The following APPBP2 variants were observed in gnomAD, a reference collection of about 807,000 sequenced individuals.
APPBP2 encodes amyloid protein-binding protein 2.
Under a neutral mutation model 76.0 loss-of-function variants are expected in APPBP2, and 15 were observed. That is an observed-to-expected ratio of 0.20 (90% CI 0.13 to 0.30). APPBP2 has a LOEUF of 0.30. APPBP2 is among the 10% of genes least tolerant of loss of function. The probability of loss-of-function intolerance (pLI) is 1.00; values close to 1 mark genes in which losing one functional copy is unlikely to be tolerated. For synonymous variants in APPBP2, 222 were observed against 242.2 expected, an observed-to-expected ratio of 0.92 and a Z score of 0.77; for missense variants, 401 against 687.2, an observed-to-expected ratio of 0.58 and a Z score of 4.66.
intron 1 of APPBP2, among the ~76,000 whole-genome samples, chr17:60,524,529 G>T (rs1339148472): frequency 6.8e-6 from 1 of 146,668 alleles, no homozygotes; most frequent in Non-Finnish European, 1.5e-5. Flanking sequence ...AAATATTTAG[G>T]GGGGAAACCC....
chr17:60,481,525 G>A (rs2090628665), intron 3 of APPBP2, among the ~76,000 whole-genome samples: 2 of 152,148 alleles, frequency 1.3e-5, no homozygotes, highest in South Asian at 2.1e-4. Context: ...TTGTTGAGAA[G>A]GAGAAAATTT....
chr17:60,489,428 T>C (rs1432960637), intron 3 of APPBP2, among the ~76,000 whole-genome samples: 1 of 151,630 alleles, frequency 6.6e-6, no homozygotes, highest in African/African-American at 2.4e-5. Flanking sequence ...CTGGCCAACA[T>C]GATAAAACAC....
intron 3 of APPBP2, among the ~76,000 whole-genome samples, chr17:60,480,236 G>A (rs1387540570): frequency 6.6e-6 from 1 of 152,144 alleles, no homozygotes; most frequent in African/African-American, 2.4e-5. Context: ...AGCCGGATGT[G>A]GTGGCGAGTG....
intron 3 of APPBP2, among the ~76,000 whole-genome samples, chr17:60,491,871 G>A (rs895003110): frequency 6.6e-6 from 1 of 152,200 alleles, no homozygotes. Flanking sequence ...ATTTGCATGA[G>A]TAACGAGCAG....
intron 1 of APPBP2, among the ~76,000 whole-genome samples, chr17:60,516,515 T>C (rs1598376773): frequency 6.6e-6 from 1 of 152,228 alleles, no homozygotes; most frequent in Admixed American, 6.5e-5. Flanking sequence ...TCACTCATTA[T>C]CATTTGCAAG....
At chr17:60,490,409 G>A (rs371452134) in intron 3 of APPBP2, among the ~76,000 whole-genome samples, 2 of 152,216 alleles carry the variant, frequency 1.3e-5, no homozygotes, top group East Asian at 3.8e-4. Flanking sequence ...AAAGAGCCAA[G>A]TGCAGTGGCT....
intron 1 of APPBP2, among the ~76,000 whole-genome samples, chr17:60,506,972 G>A (rs1356663264): frequency 6.6e-6 from 1 of 152,120 alleles, no homozygotes; most frequent in Non-Finnish European, 1.5e-5. Context: ...GGAGGCAGAG[G>A]TTGCAGTGAG....
chr17:60,502,892 C>A (rs549662542), intron 1 of APPBP2, among the ~76,000 whole-genome samples: 1 of 146,578 alleles, frequency 6.8e-6, no homozygotes, highest in South Asian at 2.1e-4. Context: ...AGTTATACAA[C>A]TACTTTGCCT....
chr17:60,465,881 G>A (rs553532363), intron 5 of APPBP2, among the ~76,000 whole-genome samples: 1 of 152,216 alleles, frequency 6.6e-6, no homozygotes, highest in South Asian at 2.1e-4. Flanking sequence ...TGTCACTCAG[G>A]CTGGAGTACA....
intron 3 of APPBP2, among the ~76,000 whole-genome samples, chr17:60,479,840 G>A (rs536951814): frequency 2.6e-5 from 4 of 152,038 alleles, no homozygotes; most frequent in African/African-American, 9.7e-5. Context: ...AAAACACTTC[G>A]TATTGTGGTA....
chr17:60,466,175 T>C, intron 5 of APPBP2, 116 bp downstream of exon 5: 1 of 1,047,570 alleles, frequency 9.5e-7, no homozygotes, highest in African/African-American at 1.6e-5. Flanking sequence ...TACTGCCTTA[T>C]ATAAACCTAA....
At chr17:60,489,610 CAAAAAA>C (rs746715643) in intron 3 of APPBP2, among the ~76,000 whole-genome samples, 1 of 53,596 alleles carries the variant, frequency 1.9e-5, no homozygotes, top group African/African-American at 5.5e-5. Flanking sequence ...GACCATGTCT[CAAAAAA>C]AAAAAAAAAA....
At chr17:60,512,109 TTTTC>T (rs2090918911) in intron 1 of APPBP2, among the ~76,000 whole-genome samples, 14 of 127,364 alleles carry the variant, frequency 1.1e-4, no homozygotes, top group African/African-American at 5.4e-4. Context: ...ATTATTATTA[TTTTC>T]TTTTTTTGAG....
At position 60,511,231 on chromosome 17, in the gene APPBP2, A is replaced by T. The variant is rs146003288; in HGVS notation, c.139-10744T>A. 6.7e-3 allele frequency among the ~76,000 whole-genome samples: 1,017 copies of T among 152,328 alleles called. 11 individuals are homozygous for T. Among genetic ancestry groups the T allele is most frequent in the African/African-American group, 0.023 (955 of 41,566 alleles). ...CTTCTCTTCTTGAAGTTTCACTACCAATATGTGGTGAAAATCGGAAGTGTT... is the reference window on the plus strand; with the variant it reads ...CTTCTCTTCTTGAAGTTTCACTACCTATATGTGGTGAAAATCGGAAGTGTT... On this transcript the variant is annotated intron_variant, in intron 1 of 12. Coordinates refer to ENST00000083182, the MANE Select transcript of APPBP2 (RefSeq NM_006380.5).
chr17:60,450,162 G>A (rs1014253925), intron 12 of APPBP2, among the ~76,000 whole-genome samples: 6 of 151,808 alleles, frequency 4.0e-5, no homozygotes, highest in South Asian at 4.2e-4. Flanking sequence ...CAGGCTGGAC[G>A]CGGTGGCTCA....
At chr17:60,456,180 C>A in intron 10 of APPBP2, 116 bp downstream of exon 10, 2 of 718,080 alleles carry the variant, frequency 2.8e-6, no homozygotes, top group South Asian at 3.5e-5. Context: ...AATACATAGA[C>A]ACCGTCAAAT....
At chr17:60,481,789 G>A (rs1406840741) in intron 3 of APPBP2, among the ~76,000 whole-genome samples, 1 of 152,228 alleles carries the variant, frequency 6.6e-6, no homozygotes, top group Non-Finnish European at 1.5e-5. Context: ...AATTGTGGCA[G>A]CTGTTACAGC....
At chr17:60,507,110 C>T (rs971994245) in intron 1 of APPBP2, among the ~76,000 whole-genome samples, 4 of 152,144 alleles carry the variant, frequency 2.6e-5, no homozygotes, top group Middle Eastern at 3.2e-3. Context: ...GCTTGTTACA[C>T]GGTTATATTG....
chr17:60,454,512 A>G lies in APPBP2; in HGVS notation c.1148-20T>C. 6.5e-7 allele frequency: 1 copy of G among 1,537,964 alleles called. No homozygotes were observed. The highest frequency in any genetic ancestry group is 2.3e-5 in the East Asian group (1 of 43,298). ...TAAGTGCTAAAAAAGAAGGCAATAA[A>G]TTAGTGTACTTCAAAACCATCTACC... On this transcript the variant is annotated intron_variant, in intron 10 of 12. Transcript: ENST00000083182.
Sources: gnomAD v4.1 joint callset for allele counts (sites outside exome capture counted in the v4.1 genomes callset) on GRCh38, gnomAD v4.1.1 for gene constraint, MANE v1.5 for transcripts, NCBI Gene and HGNC (gene_info 2026-07-23, HGNC 2026-07-21) for gene names.